ARHGEF26: variants seen among roughly 807,000 people sequenced by gnomAD.
The protein encoded by ARHGEF26 is Rho guanine nucleotide exchange factor (GEF) 26.
A neutral mutation model predicts 89.4 loss-of-function variants in ARHGEF26; 59 were observed. That is an observed-to-expected ratio of 0.66 (90% CI 0.54 to 0.82). ARHGEF26 has a LOEUF of 0.82. ARHGEF26 is among the 40% of genes least tolerant of loss of function. The pLI, the probability that ARHGEF26 is intolerant of heterozygous loss-of-function variation, is 0.00. For missense variants in ARHGEF26, 1,234 were observed against 1,085.6 expected (o/e 1.14, Z -1.92); for synonymous variants, 500 against 428.4 (o/e 1.17, Z -2.06).
chr3:154,169,764 G>A (rs1392397281), intron 6 of ARHGEF26, among the ~76,000 whole-genome samples: 3 of 152,148 alleles, frequency 2.0e-5, no homozygotes, highest in African/African-American at 7.2e-5. Context: ...AATCAACACT[G>A]TATACATTAA....
intron 10 of ARHGEF26, among the ~76,000 whole-genome samples, chr3:154,222,700 A>G (rs1246263808): frequency 6.6e-6 from 1 of 152,322 alleles, no homozygotes; most frequent in South Asian, 2.1e-4. Context: ...GAAGCAGATT[A>G]GACTTTTCAT....
Position 154,121,931 on chromosome 3 carries a change from T to C in ARHGEF26, c.-51-11T>C. 2 of 1,516,672 alleles carry C rather than the reference T, an allele frequency of 1.3e-6. No individual in the cohort carries two copies. Among genetic ancestry groups the C allele is most frequent in the Non-Finnish European group, 1.8e-6 (2 of 1,131,278 alleles). The allele number at this position is 1,516,672 out of a possible 1,614,324, so 94.0% of individuals were successfully genotyped here. The stretch of plus-strand genomic sequence containing the variant: ...CCAGAGGCACAGTTTCCTAACTTCT[T>C]TCCTCTTTAGGCAAGACTAACTCGG... On this transcript the variant is annotated splice_polypyrimidine_tract_variant and intron_variant, in intron 1 of 14. Transcript: ENST00000465093.
At position 154,256,003 on chromosome 3, in the gene ARHGEF26, T is replaced by C. The variant is rs1718480253; in HGVS notation, c.*530T>C. Reference sequence around the variant, plus strand: ...AACTGGTAGAGTTCAGAAGGTGAGCTGTTGTTTTTCTAAACCTCTTCCCAG... The same window carrying C: ...AACTGGTAGAGTTCAGAAGGTGAGCCGTTGTTTTTCTAAACCTCTTCCCAG... On this transcript the variant is annotated 3_prime_UTR_variant, in exon 15 of 15. Transcript: ENST00000465093. 1 of 985,800 alleles carries C rather than the reference T, an allele frequency of 1.0e-6. No individual in the cohort carries two copies. The highest frequency in any genetic ancestry group is 4.7e-5 in the South Asian group (1 of 21,296). The allele number at this position is 985,800 out of a possible 1,614,324, so 61.1% of individuals were successfully genotyped here.
chr3:154,219,846 G>A lies in ARHGEF26; in HGVS notation c.1935+1888G>A, dbSNP rs189533296. ...GGAGAATGGCATGAACCCGGGAGGC[G>A]GAGCTTGCAGTGAGCCGAGATCGTG... On this transcript the variant is annotated intron_variant, in intron 10 of 14. Coordinates refer to ENST00000465093, the MANE Select transcript of ARHGEF26 (RefSeq NM_015595.4). 3.0e-4 allele frequency among the ~76,000 whole-genome samples: 46 copies of A among 151,434 alleles called. No homozygotes were observed. In the East Asian group the frequency reaches 5.5e-3, roughly 18 times the overall value.
intron 4 of ARHGEF26, among the ~76,000 whole-genome samples, chr3:154,130,799 A>G (rs1302152411): frequency 2.0e-5 from 3 of 152,194 alleles, no homozygotes; most frequent in African/African-American, 7.2e-5. Context: ...TCCTTAGGCA[A>G]TATCAGAGCA....
intron 11 of ARHGEF26, among the ~76,000 whole-genome samples, chr3:154,233,709 A>G (rs1239593267): frequency 6.6e-6 from 1 of 152,236 alleles, no homozygotes; most frequent in Non-Finnish European, 1.5e-5. Flanking sequence ...GCTCAGTGTC[A>G]CTAGATTCTG....
chr3:154,147,794 C>T (rs1719786943), intron 4 of ARHGEF26, among the ~76,000 whole-genome samples: 1 of 152,076 alleles, frequency 6.6e-6, no homozygotes, highest in African/African-American at 2.4e-5. Flanking sequence ...TCTTCCTTTT[C>T]CTTTCTTCCT....
intron 2 of ARHGEF26, 111 bp from the exon 3 acceptor site, chr3:154,124,299 G>T: frequency 1.4e-6 from 1 of 738,122 alleles, no homozygotes; most frequent in South Asian, 1.8e-5. Flanking sequence ...TTAATGTAAT[G>T]ACTAAAAAAA....
intron 6 of ARHGEF26, among the ~76,000 whole-genome samples, chr3:154,184,708 C>T (rs1237951267): frequency 6.6e-6 from 1 of 152,220 alleles, no homozygotes; most frequent in Non-Finnish European, 1.5e-5. Flanking sequence ...GATTAGCCAC[C>T]TAACCGGCCT....
chr3:154,188,083 C>A (rs534238073), intron 7 of ARHGEF26, among the ~76,000 whole-genome samples: 1 of 152,016 alleles, frequency 6.6e-6, no homozygotes, highest in Non-Finnish European at 1.5e-5. Flanking sequence ...TTTAGTGTTT[C>A]GTTGTTTTTA....
chr3:154,254,579 TCTG>T, intron 13 of ARHGEF26, 138 bp from the exon 14 acceptor site: 1 of 644,354 alleles, frequency 1.6e-6, no homozygotes, highest in East Asian at 2.7e-5. Flanking sequence ...GAAAAGATGT[TCTG>T]CTTTTTATTA....
chr3:154,189,463 G>A (rs765371068), intron 7 of ARHGEF26, among the ~76,000 whole-genome samples: 15 of 150,290 alleles, frequency 1.0e-4, no homozygotes, highest in Non-Finnish European at 1.5e-4. Context: ...TCAGCCTCCC[G>A]TGTAGCTGGG....
intron 12 of ARHGEF26, among the ~76,000 whole-genome samples, chr3:154,240,916 A>G (rs1388193670): frequency 6.6e-6 from 1 of 152,236 alleles, no homozygotes; most frequent in East Asian, 1.9e-4. Context: ...ATATGACTCA[A>G]CTGGTATTTT....
chr3:154,134,714 G>A (rs367618524), intron 4 of ARHGEF26, among the ~76,000 whole-genome samples: 1 of 151,944 alleles, frequency 6.6e-6, no homozygotes. Context: ...TGATGGGTTT[G>A]TAATATATGG....
In ARHGEF26 at chr3:154,139,427, TG is replaced by T. The variant is rs1341823121; in HGVS notation, c.1269+9712del. ...CTTATTCTCAACTAGCTATTTCTTT[TG>T]GGGAGTTGGAAGGGATACATTCAAG... is the stretch of plus-strand genomic sequence containing the variant. On this transcript the variant is annotated intron_variant, in intron 4 of 14. Coordinates refer to ENST00000465093, the MANE Select transcript of ARHGEF26 (RefSeq NM_015595.4). Among the ~76,000 whole-genome samples, 3 of 152,232 alleles carry T rather than the reference TG, an allele frequency of 2.0e-5. No individual in the cohort carries two copies. The East Asian group carries it at 5.8e-4, about 29-fold the overall frequency.
intron 9 of ARHGEF26, among the ~76,000 whole-genome samples, chr3:154,198,802 A>G (rs1459151608): frequency 6.6e-6 from 1 of 152,144 alleles, no homozygotes. Flanking sequence ...TGGGTACACC[A>G]AAATCTCCTA....
At chr3:154,157,625 G>A (rs1455609828) in intron 6 of ARHGEF26, among the ~76,000 whole-genome samples, 2 of 152,098 alleles carry the variant, frequency 1.3e-5, no homozygotes, top group East Asian at 1.9e-4. Flanking sequence ...ACTGACAGGG[G>A]CCTCCAAGGG....
Position 154,255,862 on chromosome 3 carries a change from C to T in ARHGEF26, c.*389C>T. ...TCTCTTTATACATCCTTGTATGGTT[C>T]TCCCAGTATTAGCAAGATTGTATAT... On this transcript the variant is annotated 3_prime_UTR_variant, in exon 15 of 15. Coordinates refer to ENST00000465093, the MANE Select transcript of ARHGEF26 (RefSeq NM_015595.4). The T allele has an allele frequency of 2.0e-6, 2 of 1,004,152 alleles. No individual in the cohort carries two copies. The highest frequency in any genetic ancestry group is 2.4e-6 in the Non-Finnish European group (2 of 842,290). The allele number at this position is 1,004,152 out of a possible 1,614,324, so 62.2% of individuals were successfully genotyped here. A position where few individuals can be genotyped will look rare whatever the true frequency, so the allele number is the denominator to read the frequency against.
intron 11 of ARHGEF26, among the ~76,000 whole-genome samples, chr3:154,232,526 T>C (rs943939926): frequency 5.3e-5 from 8 of 152,214 alleles, no homozygotes; most frequent in African/African-American, 1.7e-4. Flanking sequence ...TATTTAGCTC[T>C]AATTATGCTT....
Sources: gnomAD v4.1 joint callset for allele counts (sites outside exome capture counted in the v4.1 genomes callset) on GRCh38, gnomAD v4.1.1 for gene constraint, MANE v1.5 for transcripts, NCBI Gene and HGNC (gene_info 2026-07-23, HGNC 2026-07-21) for gene names.